Variants in RPGR observed in about 807,000 individuals in gnomAD.
RPGR encodes the protein retinitis pigmentosa GTPase regulator, also known as X-linked retinitis pigmentosa GTPase regulator.
In RPGR, 10 loss-of-function variants were observed where a neutral mutation model predicts 56.3. That is an observed-to-expected ratio of 0.18 (90% CI 0.11 to 0.30). The LOEUF (loss-of-function observed/expected upper bound fraction) is 0.30. Ranked by LOEUF, RPGR falls within the 10% of genes least tolerant of loss-of-function variation. RPGR has a pLI of 1.00. For missense variants in RPGR, 538 were observed against 590.9 expected (o/e 0.91, Z 0.93); for synonymous variants, 197 against 212.9 (o/e 0.93, Z 0.65).
At chrX:38,320,590 G>A (rs180714925) in intron 4 of RPGR, among the ~76,000 whole-genome samples, 3 of 111,938 alleles carry the variant, frequency 2.7e-5, no homozygotes, top group East Asian at 2.8e-4. Context: ...GCTCTTCTAC[G>A]TCATTTGCTT....
At position 38,297,389 on chromosome X, in the gene RPGR, G is replaced by A. The variant is rs531930581; in HGVS notation, c.1309C>T (p.Leu437Phe). Reference sequence around the variant, plus strand: ...GAATTGGGGAGAAAACAAGCAGAAAGGCCAAGAGTCCCTTCTATTGGAGGT... The same window carrying A: ...GAATTGGGGAGAAAACAAGCAGAAAAGCCAAGAGTCCCTTCTATTGGAGGT... Residue 437 changes from leucine to phenylalanine, a missense_variant, in exon 11 of 19, where the codon CTT becomes TTT. By Grantham distance (22) the Leu-to-Phe change is conservative. This residue lies in a region of RPGR where 357 missense variants were observed against 325.8 expected (regional missense o/e 1.10). Coordinates refer to ENST00000642395, the MANE Select transcript of RPGR (RefSeq NM_000328.3). 5.8e-6 allele frequency: 7 copies of A among 1,205,967 alleles called. No homozygotes were observed. The South Asian group carries it at 7.1e-5, about 12-fold the overall frequency.
intron 6 of RPGR, among the ~76,000 whole-genome samples, chrX:38,315,832 T>C (rs1179954323): frequency 1.1e-5 from 1 of 89,183 alleles, no homozygotes; most frequent in Non-Finnish European, 2.1e-5. Context: ...TATATATATA[T>C]ATATATAGAG....
At chrX:38,314,669 A>T (rs2067784409) in intron 6 of RPGR, among the ~76,000 whole-genome samples, 2 of 112,261 alleles carry the variant, frequency 1.8e-5, no homozygotes, top group Non-Finnish European at 3.8e-5. Flanking sequence ...TATCTATAAG[A>T]TCTAAAAATT....
Position 38,286,438 on chromosome X carries a change from C to T in RPGR, c.1905+656G>A, listed in dbSNP as rs1328655753. 8 of 836,724 alleles carry T rather than the reference C, an allele frequency of 9.6e-6. No homozygotes were observed. In the African/African-American group the frequency reaches 1.5e-4, roughly 16 times the overall value. The allele number at this position is 836,724 out of a possible 1,213,427, so 69.0% of individuals were successfully genotyped here. ...CCCTTCTTCCTCCCCTTTCCCTTCTCCTTCCTCCTCTTCCCCCTCCCCTTC... is the reference window on the plus strand; with the variant it reads ...CCCTTCTTCCTCCCCTTTCCCTTCTTCTTCCTCCTCTTCCCCCTCCCCTTC... On this transcript the variant is annotated intron_variant, in intron 15 of 18. Coordinates refer to ENST00000642395, the MANE Select transcript of RPGR (RefSeq NM_000328.3).
chrX:38,288,452 C>T (rs1419117709), intron 13 of RPGR, among the ~76,000 whole-genome samples: 4 of 111,945 alleles, frequency 3.6e-5, no homozygotes, highest in African/African-American at 1.3e-4. Flanking sequence ...CACCTGTAAT[C>T]CCAGTACTTT....
At chrX:38,298,891 T>G in intron 10 of RPGR, 65 bp downstream of exon 10, 1 of 1,113,014 alleles carries the variant, frequency 9.0e-7, no homozygotes, top group Non-Finnish European at 1.2e-6. Flanking sequence ...AAAACAGATT[T>G]TTTTCTTCTA....
chrX:38,282,793 C>CAGT (rs753266890), intron 15 of RPGR, among the ~76,000 whole-genome samples: 51 of 111,139 alleles, frequency 4.6e-4, no homozygotes, highest in African/African-American at 1.7e-3. Context: ...GCAGCAGCAG[C>CAGT]AGCAGCAGCA....
At chrX:38,279,913 T>A (rs950080346) in intron 15 of RPGR, among the ~76,000 whole-genome samples, 7 of 110,979 alleles carry the variant, frequency 6.3e-5, no homozygotes, top group Admixed American at 5.8e-4. Flanking sequence ...AGTATATATT[T>A]TTTTTTTGGA....
chrX:38,307,000 A>T (rs1027891833), intron 7 of RPGR, among the ~76,000 whole-genome samples: 1 of 113,063 alleles, frequency 8.8e-6, no homozygotes. Context: ...AGGAAAATAG[A>T]TTTGATCAGT....
rs775817687 is a variant in RPGR at position 38,276,604 on chromosome X, C to A, written c.2074G>T (p.Ala692Ser). ...CATCATACCTTTTCAATAGTTTCAG[C>A]TGAGCTATCATCATTGGTTCTTTCT... Residue 692 changes from alanine (A) to serine (S), a missense_variant, in exon 16 of 19, where the codon GCT becomes TCT. Transcript: ENST00000642395. 1 of 1,211,206 alleles carries A rather than the reference C, an allele frequency of 8.3e-7. No homozygotes were observed.
chrX:38,289,889 C>T (rs1167129882), intron 13 of RPGR, among the ~76,000 whole-genome samples: 1 of 111,619 alleles, frequency 9.0e-6, no homozygotes, highest in Non-Finnish European at 1.9e-5. Context: ...TTCCCTAGCA[C>T]AATAAAGCAG....
At chrX:38,316,828 T>C (rs142712656) in intron 6 of RPGR, among the ~76,000 whole-genome samples, 1,922 of 111,682 alleles carry the variant, frequency 0.017, 24 homozygotes, top group South Asian at 0.058. Flanking sequence ...ATAAAATAAA[T>C]ATTTAAAGAT....
chrX:38,298,961 C>G lies in RPGR; in HGVS notation c.1240G>C (p.Glu414Gln), dbSNP rs150549982. The change falls in exon 10 of 19, where the codon GAG becomes CAG. Residue 414 changes from glutamate to glutamine, a missense_variant. Coordinates refer to ENST00000642395, the MANE Select transcript of RPGR (RefSeq NM_000328.3). Reference sequence around the variant, plus strand: ...AGAATAGGCCACAATTGTACCCTCTCTCTTCGCCGCATACGTGCTGATAGA... The same window carrying G: ...AGAATAGGCCACAATTGTACCCTCTGTCTTCGCCGCATACGTGCTGATAGA... 9.8e-5 allele frequency: 118 copies of G among 1,209,890 alleles called. 1 individual carries two copies. In the African/African-American group the frequency reaches 1.7e-3, roughly 18 times the overall value.
chrX:38,285,341 T>C, intron 15 of RPGR: 2 of 1,068,777 alleles, frequency 1.9e-6, no homozygotes, highest in Non-Finnish European at 1.2e-6. Flanking sequence ...CACGAAAATT[T>C]TAGTTTGAGA....
chrX:38,312,940 T>C (rs2067749056), intron 6 of RPGR, among the ~76,000 whole-genome samples: 1 of 84,494 alleles, frequency 1.2e-5, no homozygotes. Context: ...GAGACCTAGC[T>C]CAAAAAAAAA....
At chrX:38,310,394 G>A (rs111775513) in intron 7 of RPGR, among the ~76,000 whole-genome samples, 2,020 of 111,276 alleles carry the variant, frequency 0.018, 16 homozygotes, top group Middle Eastern at 0.032. Flanking sequence ...TACAGTGGGC[G>A]TGAAGTTTCA....
intron 1 of RPGR, among the ~76,000 whole-genome samples, chrX:38,324,818 A>G (rs1408116899): frequency 2.0e-5 from 2 of 102,021 alleles, no homozygotes; most frequent in Non-Finnish European, 4.0e-5. Flanking sequence ...GATTAGAGAG[A>G]TTGGTAGGTA....
At chrX:38,326,570 G>A (rs1338288006) in intron 1 of RPGR, 1 of 111,241 alleles carries the variant, frequency 9.0e-6, no homozygotes, top group Non-Finnish European at 1.9e-5. Context: ...TAACTATGGA[G>A]CTCAGGAAAA....
intron 17 of RPGR, chrX:38,273,598 G>A: frequency 2.0e-6 from 1 of 489,297 alleles, no homozygotes. Flanking sequence ...GCTCACCCCT[G>A]GAGTAGTGGA....
Sources: gnomAD v4.1 joint callset for allele counts (sites outside exome capture counted in the v4.1 genomes callset) on GRCh38, gnomAD v4.1.1 for gene constraint, gnomAD v4.1.1 regional missense constraint, MANE v1.5 for transcripts, NCBI Gene and HGNC (gene_info 2026-07-23, HGNC 2026-07-21) for gene names.